GPR39: variants seen among roughly 807,000 people sequenced by gnomAD.
The protein encoded by GPR39 is zinc sensing receptor.
GPR39 carries 23 observed loss-of-function variants against 18.4 expected under a neutral mutation model. The ratio of observed to expected loss-of-function variants is 1.25; its 90% CI spans 0.90 to 1.77. The LOEUF (loss-of-function observed/expected upper bound fraction) is 1.77. GPR39 is among the 40% of genes most tolerant of loss of function. The pLI is 0.00. For missense variants in GPR39, 647 were observed against 602.4 expected (o/e 1.07, Z -0.78); for synonymous variants, 280 against 257.9 (o/e 1.09, Z -0.82).
intron 1 of GPR39, among the ~76,000 whole-genome samples, chr2:132,453,021 G>A (rs1415669676): frequency 6.6e-6 from 1 of 152,142 alleles, no homozygotes; most frequent in Non-Finnish European, 1.5e-5. Context: ...GGGTCAAATG[G>A]TAATTCTAGT....
chr2:132,434,256 T>C (rs1355436208), intron 1 of GPR39, among the ~76,000 whole-genome samples: 3 of 152,200 alleles, frequency 2.0e-5, no homozygotes, highest in Admixed American at 6.5e-5. Context: ...CAAATGCTGT[T>C]GGGTTTATAA....
At chr2:132,479,774 A>G (rs1681197675) in intron 1 of GPR39, among the ~76,000 whole-genome samples, 1 of 152,222 alleles carries the variant, frequency 6.6e-6, no homozygotes. Context: ...TGGTACAGCC[A>G]CTGTGGAAAA....
intron 1 of GPR39, among the ~76,000 whole-genome samples, chr2:132,575,254 T>C (rs1680509778): frequency 6.6e-6 from 1 of 152,236 alleles, no homozygotes; most frequent in South Asian, 2.1e-4. Flanking sequence ...TTTAATTTAA[T>C]CCATTGATTT....
intron 1 of GPR39, among the ~76,000 whole-genome samples, chr2:132,505,231 T>G (rs1209231825): frequency 2.0e-5 from 3 of 152,196 alleles, no homozygotes; most frequent in Non-Finnish European, 4.4e-5. Flanking sequence ...AGCTTAGTTC[T>G]CTCTTCATCT....
chr2:132,425,373 T>C (rs915834686), intron 1 of GPR39, among the ~76,000 whole-genome samples: 1 of 152,054 alleles, frequency 6.6e-6, no homozygotes, highest in Non-Finnish European at 1.5e-5. Context: ...GGGGGCAGAG[T>C]AGCCATGCAT....
At chr2:132,492,488 TACACCATATATAC>T (rs934054391) in intron 1 of GPR39, among the ~76,000 whole-genome samples, 9 of 142,738 alleles carry the variant, frequency 6.3e-5, no homozygotes, top group Admixed American at 4.3e-4. Flanking sequence ...ACCATATATA[TACACCATATATAC>T]ACACCATATA....
rs1362998183 is a variant in GPR39 at position 132,417,370 on chromosome 2, C to A, written c.328C>A (p.Leu110Met). The A allele has an allele frequency of 1.2e-6, 2 of 1,614,116 alleles. No individual in the cohort carries two copies. Among genetic ancestry groups the A allele is most frequent in the African/African-American group, 2.7e-5 (2 of 74,946 alleles). The change falls in exon 1 of 2, where the codon CTG becomes ATG. Residue 110 changes from leucine (L) to methionine (M), a missense_variant. Leu to Met is a conservative substitution (Grantham distance 15, BLOSUM62 2). Around this residue, in one of 3 missense-constraint regions of GPR39, gnomAD observed 581 missense variants for 506.8 expected, o/e 1.15. Transcript: ENST00000329321. ...GTCCAGCTACACCCTGTCCTGCAAG[C>A]TGCACACTTTCCTCTTCGAGGCCTG... ...TTSSYTLSCK[L>M]HTFLFEACSY...
chr2:132,465,253 A>G (rs576514339), intron 1 of GPR39, among the ~76,000 whole-genome samples: 4 of 152,000 alleles, frequency 2.6e-5, no homozygotes, highest in Non-Finnish European at 5.9e-5. Context: ...ACAAATCTGT[A>G]AGGATAGATT....
chr2:132,517,157 G>A (rs1320477516), intron 1 of GPR39, among the ~76,000 whole-genome samples: 2 of 151,796 alleles, frequency 1.3e-5, no homozygotes, highest in Admixed American at 6.5e-5. Flanking sequence ...TTAGGGGTGT[G>A]TGTGTTTGTG....
At position 132,549,319 on chromosome 2, in the gene GPR39, G is replaced by A. The variant is rs547998158; in HGVS notation, c.857-95782G>A. On this transcript the variant is annotated intron_variant, in intron 1 of 1. Transcript: ENST00000329321. ...AAGCCTGTACATGGTAGGCATTCGA[G>A]GGAGGTCTACTGTGTCGATTAAGGC... Among the ~76,000 whole-genome samples the A allele has an allele frequency of 6.6e-5, 10 of 152,320 alleles. 1 individual carries two copies. Among genetic ancestry groups the A allele is most frequent in the African/African-American group, 2.4e-4 (10 of 41,574 alleles).
chr2:132,484,219 A>G (rs915146864), intron 1 of GPR39, among the ~76,000 whole-genome samples: 1 of 152,228 alleles, frequency 6.6e-6, no homozygotes, highest in African/African-American at 2.4e-5. Flanking sequence ...GAGCATGCCT[A>G]TGGCCATTGC....
chr2:132,634,020 G>GTGT (rs1193938409), intron 1 of GPR39, among the ~76,000 whole-genome samples: 3 of 151,910 alleles, frequency 2.0e-5, no homozygotes, highest in African/African-American at 7.3e-5. Flanking sequence ...AGCAGTGTTG[G>GTGT]TGTTGGTGGT....
intron 1 of GPR39, among the ~76,000 whole-genome samples, chr2:132,538,663 C>T (rs926394404): frequency 6.6e-6 from 1 of 152,192 alleles, no homozygotes; most frequent in Non-Finnish European, 1.5e-5. Flanking sequence ...GCTGTGACAG[C>T]ACCCATCCCT....
intron 1 of GPR39, among the ~76,000 whole-genome samples, chr2:132,422,435 G>A (rs1404495026): frequency 6.7e-6 from 1 of 150,264 alleles, no homozygotes; most frequent in Non-Finnish European, 1.5e-5. Context: ...TTACACAGAA[G>A]TGGATGCCTT....
intron 1 of GPR39, among the ~76,000 whole-genome samples, chr2:132,586,099 T>C (rs1466480638): frequency 8.6e-5 from 13 of 151,924 alleles, no homozygotes; most frequent in Admixed American, 4.6e-4. Flanking sequence ...GCAAATCAGC[T>C]TGGGCTAATG....
intron 1 of GPR39, among the ~76,000 whole-genome samples, chr2:132,583,435 A>T (rs1680665111): frequency 6.6e-6 from 1 of 150,770 alleles, no homozygotes; most frequent in African/African-American, 2.4e-5. Context: ...CTTAAAATAG[A>T]CTCTTGTAAG....
At chr2:132,584,015 T>C (rs889243954) in intron 1 of GPR39, among the ~76,000 whole-genome samples, 9 of 151,996 alleles carry the variant, frequency 5.9e-5, no homozygotes, top group African/African-American at 2.2e-4. Context: ...ACCACACCTT[T>C]CTAGGGAGGG....
intron 1 of GPR39, among the ~76,000 whole-genome samples, chr2:132,485,374 A>G (rs986689992): frequency 1.3e-5 from 2 of 152,176 alleles, no homozygotes; most frequent in African/African-American, 2.4e-5. Context: ...AGTTGTGACA[A>G]TTTCTTAAAA....
intron 1 of GPR39, among the ~76,000 whole-genome samples, chr2:132,576,255 G>C (rs1486607279): frequency 2.0e-5 from 3 of 152,100 alleles, no homozygotes; most frequent in Non-Finnish European, 2.9e-5. Flanking sequence ...TCAGTTGGTT[G>C]CTTATCTTTT....
Sources: gnomAD v4.1 joint callset for allele counts (sites outside exome capture counted in the v4.1 genomes callset) on GRCh38, gnomAD v4.1.1 for gene constraint, gnomAD v4.1.1 regional missense constraint, MANE v1.5 for transcripts, NCBI Gene and HGNC (gene_info 2026-07-23, HGNC 2026-07-21) for gene names.